The following CEP128 variants were observed in gnomAD, a reference collection of about 807,000 sequenced individuals.
CEP128 encodes centrosomal protein 128, also known as centrosomal protein 128kDa.
A neutral mutation model predicts 156.7 loss-of-function variants in CEP128; 132 were observed. The ratio of observed to expected loss-of-function variants is 0.84; its 90% CI spans 0.73 to 0.97. CEP128 has a LOEUF of 0.97. Among genes scored for constraint, CEP128 ranks in the 50% least tolerant of loss-of-function variants. The probability of loss-of-function intolerance (pLI) is 0.00; values close to 1 mark genes in which losing one functional copy is unlikely to be tolerated. For synonymous variants in CEP128, 469 were observed against 448.9 expected, an observed-to-expected ratio of 1.04 and a Z score of -0.57; for missense variants, 1,252 against 1,281.9, an observed-to-expected ratio of 0.98 and a Z score of 0.36.
At position 80,785,354 on chromosome 14, in the gene CEP128, G is replaced by C; in HGVS notation, c.1752C>G (p.Ser584=). The C allele has an allele frequency of 1.2e-6, 2 of 1,614,090 alleles. No homozygotes were observed. Among genetic ancestry groups the C allele is most frequent in the Non-Finnish European group, 1.7e-6 (2 of 1,179,982 alleles). ...TCTCCAGTCTATGGATGGTATCCAG[G>C]GAATTCTTAACTTCCAATTCAAGGT... ...QADLELEVKN[S]LDTIHRLESE... The change falls in exon 15 of 25, where the codon TCC becomes TCG. Residue 584 remains serine, a synonymous_variant. Coordinates refer to ENST00000555265, the MANE Select transcript of CEP128 (RefSeq NM_152446.5).
chr14:80,912,859 T>G (rs1884328611), intron 4 of CEP128, among the ~76,000 whole-genome samples: 1 of 152,192 alleles, frequency 6.6e-6, no homozygotes, highest in Non-Finnish European at 1.5e-5. Flanking sequence ...CAGTCATTAT[T>G]CCTTCATGTT....
intron 13 of CEP128, chr14:80,830,861 T>A: frequency 3.2e-6 from 1 of 313,762 alleles, no homozygotes; most frequent in Non-Finnish European, 5.9e-6. Context: ...TCAATTGCTA[T>A]TAGAACAAAA....
At chr14:80,695,472 T>G (rs1317556049) in intron 19 of CEP128, among the ~76,000 whole-genome samples, 1 of 151,506 alleles carries the variant, frequency 6.6e-6, no homozygotes, top group East Asian at 1.9e-4. Context: ...TCCCAGCACT[T>G]TGGGAGGCCA....
In CEP128 at chr14:80,740,881, T is replaced by C. The variant is rs1251532374; in HGVS notation, c.2806+2194A>G. Among the ~76,000 whole-genome samples the C allele has an allele frequency of 2.0e-5, 3 of 152,258 alleles. No individual in the cohort carries two copies. In the East Asian group the frequency reaches 5.8e-4, roughly 29 times the overall value. On this transcript the variant is annotated intron_variant, in intron 19 of 24. Coordinates refer to ENST00000555265, the MANE Select transcript of CEP128 (RefSeq NM_152446.5). ...CGCTGCTGGGAATGACTATTTTCTA[T>C]GCATTGTACTCACAGCATGGGGGCA... is the stretch of plus-strand genomic sequence containing the variant.
rs570627150 is a variant in CEP128 at position 80,703,271 on chromosome 14, T to G, written c.2806+39804A>C. 2.0e-5 allele frequency among the ~76,000 whole-genome samples: 3 copies of G among 152,204 alleles called. No homozygotes were observed. In the East Asian group the frequency reaches 5.8e-4, roughly 29 times the overall value. ...ACCCTTCTCAGCTCTAAAAACTATG[T>G]CTCTAAGTCCAAATTAAGTATTGTC... On this transcript the variant is annotated intron_variant, in intron 19 of 24. Transcript: ENST00000555265.
intron 9 of CEP128, among the ~76,000 whole-genome samples, chr14:80,848,796 C>A (rs1744317073): frequency 6.6e-6 from 1 of 151,788 alleles, no homozygotes; most frequent in Admixed American, 6.6e-5. Flanking sequence ...GTGGGACATG[C>A]CTGTAATCCC....
rs1346586125 is a variant in CEP128, at chr14:80,862,803, T to C, written c.716A>G (p.Glu239Gly). The change falls in exon 9 of 25, where the codon GAA becomes GGA. Residue 239 changes from glutamate (E) to glycine (G), a missense_variant. Transcript: ENST00000555265. ...GAGTCCCAGTTGATCCTGGCGTCTT[T>C]CCACCAGCTCCCTTTCTGTGCGCAT... ...REMRTERELV[E>G]RRQDQLGLMS... is the part of the protein sequence containing the mutation. The C allele has an allele frequency of 1.2e-6, 2 of 1,614,058 alleles. No homozygotes were observed. Among genetic ancestry groups the C allele is most frequent in the South Asian group, 1.1e-5 (1 of 91,060 alleles).
At chr14:80,531,638 T>C (rs1013218304) in intron 21 of CEP128, among the ~76,000 whole-genome samples, 1 of 152,222 alleles carries the variant, frequency 6.6e-6, no homozygotes, top group Non-Finnish European at 1.5e-5. Flanking sequence ...ATGCCAGACA[T>C]ATTAGGTGGG....
At chr14:80,949,371 A>T (rs1001435068) in intron 2 of CEP128, among the ~76,000 whole-genome samples, 3 of 152,194 alleles carry the variant, frequency 2.0e-5, no homozygotes, top group African/African-American at 7.2e-5. Context: ...GTAGAGAGCT[A>T]CGTAGAGAGA....
At chr14:80,860,231 T>C (rs1332629801) in intron 9 of CEP128, among the ~76,000 whole-genome samples, 2 of 152,232 alleles carry the variant, frequency 1.3e-5, no homozygotes, top group African/African-American at 4.8e-5. Context: ...TAGCTTCCAC[T>C]ACTCTGTTTA....
chr14:80,546,847 C>T (rs934352797), intron 21 of CEP128, among the ~76,000 whole-genome samples: 2 of 152,060 alleles, frequency 1.3e-5, no homozygotes, highest in Admixed American at 1.3e-4. Flanking sequence ...GACAGTTTGG[C>T]CTTTTACTGT....
chr14:80,688,275 T>C (rs2139292459), intron 19 of CEP128, among the ~76,000 whole-genome samples: 1 of 152,250 alleles, frequency 6.6e-6, no homozygotes, highest in South Asian at 2.1e-4. Context: ...GTCTCAAAAA[T>C]TTCTTCCAAC....
intron 15 of CEP128, among the ~76,000 whole-genome samples, chr14:80,779,726 G>A (rs977033795): frequency 3.9e-5 from 6 of 152,132 alleles, no homozygotes; most frequent in Admixed American, 1.3e-4. Flanking sequence ...CCACCCACCG[G>A]AAGCCTGTTT....
At chr14:80,668,701 G>C (rs965896384) in intron 19 of CEP128, among the ~76,000 whole-genome samples, 8 of 152,086 alleles carry the variant, frequency 5.3e-5, no homozygotes, top group Non-Finnish European at 1.0e-4. Flanking sequence ...ATCCCAAGCT[G>C]GCCTGAAATA....
rs984853323 is a variant in CEP128 at position 80,853,028 on chromosome 14, A to G, written c.762+9729T>C. Among the ~76,000 whole-genome samples the G allele has an allele frequency of 2.1e-4, 32 of 152,058 alleles. No homozygotes were observed. The East Asian group carries it at 5.4e-3, about 26-fold the overall frequency. On this transcript the variant is annotated intron_variant, in intron 9 of 24. Transcript: ENST00000555265. ...ACCATATTTAAATCAATATATTTAA[A>G]TACCCAAAGTTAAGTGCACAGCAAG...
rs955570886 is a variant in CEP128, at chr14:80,738,981, T to C, written c.2806+4094A>G. On this transcript the variant is annotated intron_variant, in intron 19 of 24. Coordinates refer to ENST00000555265, the MANE Select transcript of CEP128 (RefSeq NM_152446.5). The stretch of plus-strand genomic sequence containing the variant: ...TACATCATATGACAAGCTTTATGCT[T>C]TGGAAGCAGGTTGCCAAAAATACTG... Among the ~76,000 whole-genome samples the C allele has an allele frequency of 2.6e-5, 4 of 152,202 alleles. No individual in the cohort carries two copies. The East Asian group carries it at 7.7e-4, about 29-fold the overall frequency.
chr14:80,615,023 A>G (rs552510379), intron 19 of CEP128, among the ~76,000 whole-genome samples: 139 of 152,340 alleles, frequency 9.1e-4, no homozygotes, highest in African/African-American at 3.2e-3. Flanking sequence ...ATCATCAGTG[A>G]CTCACATATA....
chr14:80,713,061 T>C (rs545126154), intron 19 of CEP128, among the ~76,000 whole-genome samples: 2 of 152,292 alleles, frequency 1.3e-5, no homozygotes, highest in South Asian at 2.1e-4. Flanking sequence ...GACTACCAAG[T>C]TGAATAGCTC....
chr14:80,511,487 TTTCTC>T (rs1888254398), intron 23 of CEP128, among the ~76,000 whole-genome samples: 1 of 151,984 alleles, frequency 6.6e-6, no homozygotes, highest in Admixed American at 6.6e-5. Flanking sequence ...ATTTGGGTCT[TTTCTC>T]TGTTTTTCTT....
Sources: gnomAD v4.1 joint callset for allele counts (sites outside exome capture counted in the v4.1 genomes callset) on GRCh38, gnomAD v4.1.1 for gene constraint, MANE v1.5 for transcripts, NCBI Gene and HGNC (gene_info 2026-07-23, HGNC 2026-07-21) for gene names.